AGBL1: variants seen among roughly 807,000 people sequenced by gnomAD.
AGBL1 encodes the protein cytosolic carboxypeptidase 4.
AGBL1 carries 130 observed loss-of-function variants against 118.9 expected under a neutral mutation model. The observed-to-expected ratio is 1.09, with a 90% CI of 0.95 to 1.26. AGBL1 has a LOEUF of 1.26. Ranked by LOEUF, AGBL1 falls within the 50% of genes most tolerant of loss-of-function variation. AGBL1 has a pLI of 0.00. For missense variants in AGBL1, 1,584 were observed against 1,298.1 expected, an observed-to-expected ratio of 1.22 and a Z score of -3.38; for synonymous variants, 555 against 478.9, an observed-to-expected ratio of 1.16 and a Z score of -2.08.
At chr15:86,152,591 G>A (rs971584586) in intron 3 of AGBL1, among the ~76,000 whole-genome samples, 50 of 152,266 alleles carry the variant, frequency 3.3e-4, no homozygotes, top group African/African-American at 1.1e-3. Context: ...ATACCATTCA[G>A]GACATAGGCA....
intron 5 of AGBL1, among the ~76,000 whole-genome samples, chr15:86,172,096 G>T (rs1180199056): frequency 1.3e-5 from 2 of 152,230 alleles, no homozygotes; most frequent in East Asian, 3.9e-4. Flanking sequence ...AGTGTGCAGT[G>T]CTCAGGTGAT....
At chr15:86,704,408 C>G (rs1471521660) in intron 22 of AGBL1, among the ~76,000 whole-genome samples, 16 of 152,074 alleles carry the variant, frequency 1.1e-4, no homozygotes, top group Admixed American at 1.0e-3. Flanking sequence ...GTCTAATATC[C>G]AGAATCTACA....
At chr15:86,485,707 G>C (rs1431094473) in intron 18 of AGBL1, among the ~76,000 whole-genome samples, 1 of 152,152 alleles carries the variant, frequency 6.6e-6, no homozygotes, top group African/African-American at 2.4e-5. Context: ...TGATGGGTCA[G>C]ATGTGGCCTG....
In AGBL1 at chr15:86,860,030, A is replaced by G. The variant is rs185251299; in HGVS notation, c.3159-47057A>G. The stretch of plus-strand genomic sequence containing the variant: ...CTGATCCCAAGTTTTGCCTAGGTCT[A>G]GTCTGATTCAATAATGTCTTTTTGC... On this transcript the variant is annotated intron_variant, in intron 22 of 22. Coordinates refer to ENST00000614907, the MANE Select transcript of AGBL1 (RefSeq NM_001386094.1). 8.4e-4 allele frequency among the ~76,000 whole-genome samples: 128 copies of G among 152,316 alleles called. 1 individual carries two copies. Among genetic ancestry groups the G allele is most frequent in the Middle Eastern group, 6.8e-3 (2 of 294 alleles).
intron 22 of AGBL1, among the ~76,000 whole-genome samples, chr15:86,718,829 C>G (rs1405274093): frequency 2.0e-5 from 3 of 152,116 alleles, no homozygotes; most frequent in South Asian, 2.1e-4. Flanking sequence ...TGAAGTAAGT[C>G]TTTTTGGGGA....
chr15:86,779,084 C>T (rs1017338560), intron 22 of AGBL1, among the ~76,000 whole-genome samples: 1 of 152,246 alleles, frequency 6.6e-6, no homozygotes, highest in African/African-American at 2.4e-5. Flanking sequence ...TCCCAGAAGT[C>T]TCCTGGTGTC....
At chr15:86,096,937 C>T (rs1053036223) in intron 1 of AGBL1, among the ~76,000 whole-genome samples, 1 of 152,096 alleles carries the variant, frequency 6.6e-6, no homozygotes, top group Admixed American at 6.6e-5. Context: ...TATTAGCCCA[C>T]TTATCTTGGG....
intron 21 of AGBL1, among the ~76,000 whole-genome samples, chr15:86,622,997 CAATAGGGTTCGCACGCCTATGAG>C (rs1341458232): frequency 6.6e-6 from 1 of 152,122 alleles, no homozygotes; most frequent in African/African-American, 2.4e-5. Flanking sequence ...GCACAGTTCA[CAATAGGGTTCGCACGCCTATGAG>C]AATCTAATGC....
chr15:86,421,298 G>A (rs952219707), intron 18 of AGBL1, among the ~76,000 whole-genome samples: 3 of 152,204 alleles, frequency 2.0e-5, no homozygotes, highest in South Asian at 2.1e-4. Context: ...AGAGAGTGGG[G>A]CCAATATTCA....
chr15:86,485,080 C>T (rs903330177), intron 18 of AGBL1, among the ~76,000 whole-genome samples: 1 of 152,146 alleles, frequency 6.6e-6, no homozygotes, highest in African/African-American at 2.4e-5. Flanking sequence ...AAAGCAGCAT[C>T]TCAATCCCTG....
chr15:86,982,760 G>T (rs1596705352), intron 23 of AGBL1, among the ~76,000 whole-genome samples: 2 of 152,022 alleles, frequency 1.3e-5, no homozygotes, highest in East Asian at 3.9e-4. Context: ...TAAGAATACA[G>T]TATATAATAC....
rs373269237 is a variant in AGBL1 at position 86,264,683 on chromosome 15, G to T, written c.1512G>T (p.Lys504Asn). 4.3e-6 allele frequency: 7 copies of T among 1,614,016 alleles called. No homozygotes were observed. The highest frequency in any genetic ancestry group is 1.3e-5 in the African/African-American group (1 of 75,056). ...VIDKLLQTHL[K>N]RVPFHDPYLY... ...ATAAGCTTCTGCAGACACATCTGAA[G>T]CGTGTCCCTTTCCACGATCCCTATC... is the stretch of plus-strand genomic sequence containing the variant. Residue 504 changes from lysine to asparagine, a missense_variant, in exon 11 of 23, where the codon AAG becomes AAT. By Grantham distance (94) the Lys-to-Asn change is moderately conservative. Coordinates refer to ENST00000614907, the MANE Select transcript of AGBL1 (RefSeq NM_001386094.1).
intron 22 of AGBL1, among the ~76,000 whole-genome samples, chr15:86,762,013 A>G (rs1440307629): frequency 6.6e-6 from 1 of 152,064 alleles, no homozygotes; most frequent in Non-Finnish European, 1.5e-5. Context: ...TGTGGCACAT[A>G]TACACCATGG....
At position 86,646,209 on chromosome 15, in the gene AGBL1, G is replaced by C. The variant is rs557133771; in HGVS notation, c.2995-28064G>C. The stretch of plus-strand genomic sequence containing the variant: ...ATCAGGGCAGAAGGGAATTATCATG[G>C]TGTCAGGCATTATGGGTAATTCCAT... On this transcript the variant is annotated intron_variant, in intron 21 of 22. Coordinates refer to ENST00000614907, the MANE Select transcript of AGBL1 (RefSeq NM_001386094.1). Among the ~76,000 whole-genome samples, 19 of 152,286 alleles carry C rather than the reference G, an allele frequency of 1.2e-4. No homozygotes were observed. The South Asian group carries it at 3.3e-3, about 27-fold the overall frequency.
chr15:86,357,078 A>G (rs2080732883), intron 17 of AGBL1, among the ~76,000 whole-genome samples: 1 of 152,236 alleles, frequency 6.6e-6, no homozygotes, highest in Non-Finnish European at 1.5e-5. Context: ...TTGAGGACTC[A>G]GAATATTTTA....
intron 18 of AGBL1, among the ~76,000 whole-genome samples, chr15:86,480,950 C>A (rs1259942631): frequency 1.3e-5 from 2 of 151,980 alleles, no homozygotes; most frequent in African/African-American, 4.8e-5. Flanking sequence ...ATTCCAATAG[C>A]AAAAGTACTA....
chr15:86,585,653 A>G (rs1808297032), intron 21 of AGBL1, among the ~76,000 whole-genome samples: 2 of 152,220 alleles, frequency 1.3e-5, no homozygotes, highest in African/African-American at 4.8e-5. Flanking sequence ...GGTATGAGCC[A>G]TCTTACCTGA....
chr15:86,264,612 T>C lies in AGBL1; in HGVS notation c.1441T>C (p.Ser481Pro), dbSNP rs11857527. The C allele has an allele frequency of 0.19, 298,737 of 1,613,600 alleles. 28,959 individuals carry two copies. The highest frequency in any genetic ancestry group is 0.23 in the Admixed American group (13,652 of 59,966). ...AATTTTCTGCCCAAGGATGAGTGCC[T>C]CCTTTTCTAATTCCACTAGGACTAG... Reference protein sequence around the residue: ...DAIFCPRMSASFSNSTRTREV... With the variant: ...DAIFCPRMSAPFSNSTRTREV... Residue 481 changes from serine to proline, a missense_variant, in exon 11 of 23, where the codon TCC (serine) becomes CCC (proline). Physicochemically the swap from Ser to Pro is moderately conservative, Grantham distance 74. Transcript: ENST00000614907.
chr15:86,166,467 G>T (rs2077343352), intron 5 of AGBL1, among the ~76,000 whole-genome samples: 1 of 152,162 alleles, frequency 6.6e-6, no homozygotes, highest in South Asian at 2.1e-4. Context: ...TGGGCCTCAG[G>T]CGACCCTACA....
Sources: allele counts gnomAD v4.1 joint callset (sites outside exome capture counted in the v4.1 genomes callset), GRCh38; gene constraint gnomAD v4.1.1; transcripts MANE v1.5; gene names NCBI Gene and HGNC (gene_info 2026-07-23, HGNC 2026-07-21).